Variants in ZC3H7A observed in about 807,000 individuals in gnomAD.
ZC3H7A encodes zinc finger CCCH domain-containing protein 7A.
A neutral mutation model predicts 125.5 loss-of-function variants in ZC3H7A; 44 were observed. That is an observed-to-expected ratio of 0.35 (90% confidence interval 0.28 to 0.45). The LOEUF is 0.45. Among genes scored for constraint, ZC3H7A ranks in the 20% least tolerant of loss-of-function variants. The probability of loss-of-function intolerance (pLI) is 1.00; values close to 1 mark genes in which losing one functional copy is unlikely to be tolerated. For synonymous variants in ZC3H7A, 399 were observed against 391.2 expected (o/e 1.02, Z -0.23); for missense variants, 977 against 1,170.7 (o/e 0.83, Z 2.41).
At chr16:11,789,738 C>T (rs1342409491) in intron 1 of ZC3H7A, among the ~76,000 whole-genome samples, 1 of 152,076 alleles carries the variant, frequency 6.6e-6, no homozygotes, top group African/African-American at 2.4e-5. Flanking sequence ...TTAAAGGTCA[C>T]CATGTACACA....
chr16:11,782,042 T>A (rs2053181536), intron 2 of ZC3H7A, among the ~76,000 whole-genome samples: 2 of 152,182 alleles, frequency 1.3e-5, no homozygotes, highest in Admixed American at 1.3e-4. Context: ...TTCAAATTTC[T>A]CAGTCTAACG....
At chr16:11,783,578 A>G (rs1239365014) in intron 1 of ZC3H7A, among the ~76,000 whole-genome samples, 1 of 152,144 alleles carries the variant, frequency 6.6e-6, no homozygotes, top group Non-Finnish European at 1.5e-5. Context: ...GTGTCTCCAG[A>G]TATCGTTAAA....
At position 11,776,750 on chromosome 16, in the gene ZC3H7A, C is replaced by A; in HGVS notation, c.465+1G>T. The A allele has an allele frequency of 6.3e-7, 1 of 1,599,552 alleles. No individual in the cohort carries two copies. The highest frequency in any genetic ancestry group is 1.3e-5 in the African/African-American group (1 of 74,098). On this transcript the variant is annotated splice_donor_variant, in intron 5 of 22. Coordinates refer to ENST00000355758, the MANE Select transcript of ZC3H7A (RefSeq NM_014153.4). LOFTEE classifies it high-confidence loss of function. ...AAACAAATAAACTATAAATTCCATA[C>A]CTGAGGCACTGCTAAGGAGCACTTT...
rs1427030393 is a variant in ZC3H7A at position 11,761,439 on chromosome 16, G to C, written c.2286C>G (p.Leu762=). 5 of 1,614,086 alleles carry C rather than the reference G, an allele frequency of 3.1e-6. No individual in the cohort carries two copies. The Admixed American group carries it at 6.7e-5, about 22-fold the overall frequency. ...GTAAAGGCATTTGTTTCTTTGTGGG[G>C]AGAGGACGGATGTTCATCCACTTCT... ...ERKKWMNIRP[L]PTKKQMPLQF... is the part of the protein sequence containing the mutation. Residue 762 remains leucine (L), a synonymous_variant, in exon 19 of 23, where the codon CTC becomes CTG. Transcript: ENST00000355758.
chr16:11,777,361 G>C (rs1009751476), intron 4 of ZC3H7A, among the ~76,000 whole-genome samples: 2 of 152,170 alleles, frequency 1.3e-5, no homozygotes, highest in African/African-American at 4.8e-5. Flanking sequence ...CAAAGAGCTA[G>C]GTGACAACAC....
chr16:11,761,436 G>T lies in ZC3H7A; in HGVS notation c.2289C>A (p.Pro763=). 1 of 1,614,014 alleles carries T rather than the reference G, an allele frequency of 6.2e-7. No homozygotes were observed. Among genetic ancestry groups the T allele is most frequent in the South Asian group, 1.1e-5 (1 of 91,066 alleles). ...ACTGTAAAGGCATTTGTTTCTTTGT[G>T]GGGAGAGGACGGATGTTCATCCACT... is the stretch of plus-strand genomic sequence containing the variant. ...RKKWMNIRPL[P]TKKQMPLQFD... Residue 763 remains proline, a synonymous_variant, in exon 19 of 23, where the codon CCC becomes CCA. Transcript: ENST00000355758.
intron 7 of ZC3H7A, 136 bp downstream of exon 7, chr16:11,776,184 A>G: frequency 1.3e-6 from 1 of 780,642 alleles, no homozygotes; most frequent in Non-Finnish European, 2.0e-6. Context: ...AAGTGACAGG[A>G]GGGTATTGCC....
chr16:11,766,545 G>A (rs1384589160), intron 13 of ZC3H7A, among the ~76,000 whole-genome samples: 1 of 152,214 alleles, frequency 6.6e-6, no homozygotes, highest in Non-Finnish European at 1.5e-5. Context: ...CAGCCTGGGA[G>A]ACAGAGCGAG....
chr16:11,778,833 C>T (rs1250143536), intron 4 of ZC3H7A, among the ~76,000 whole-genome samples: 1 of 152,080 alleles, frequency 6.6e-6, no homozygotes, highest in Non-Finnish European at 1.5e-5. Context: ...CCTGCCTCAG[C>T]CTCCCGGGCA....
intron 1 of ZC3H7A, among the ~76,000 whole-genome samples, chr16:11,784,185 G>C (rs1278745179): frequency 6.6e-6 from 1 of 152,126 alleles, no homozygotes; most frequent in Non-Finnish European, 1.5e-5. Flanking sequence ...TAGCCAAAAG[G>C]GGGGTAGCTG....
At chr16:11,753,936 C>G (rs951421257) in intron 21 of ZC3H7A, 1 of 152,520 alleles carries the variant, frequency 6.6e-6, no homozygotes, top group African/African-American at 2.4e-5. Flanking sequence ...AGGCATGAAC[C>G]ACCATGCCCG....
At chr16:11,769,185 C>G in intron 10 of ZC3H7A, 90 bp from the exon 11 acceptor site, 1 of 1,080,462 alleles carries the variant, frequency 9.3e-7, no homozygotes, top group East Asian at 2.7e-5. Flanking sequence ...CTATGGCCTC[C>G]CACGCTATTC....
chr16:11,781,977 G>A (rs757829407), intron 2 of ZC3H7A, among the ~76,000 whole-genome samples: 3 of 152,042 alleles, frequency 2.0e-5, no homozygotes, highest in African/African-American at 4.8e-5. Flanking sequence ...CCTCTGTGCC[G>A]CCAGATGTTC....
chr16:11,763,491 C>T lies in ZC3H7A; in HGVS notation c.1989G>A (p.Met663Ile). ...HSLVELKVWI[M>I]QNETGISHDA... ...ACTCAAACCTACCTGTTTCATTTTG[C>T]ATTATCCAGACTTTCAGTTCCACAA... The change falls in exon 16 of 23, where the codon ATG becomes ATA. Residue 663 changes from methionine (M) to isoleucine (I), a missense_variant. Coordinates refer to ENST00000355758, the MANE Select transcript of ZC3H7A (RefSeq NM_014153.4). 1.9e-6 allele frequency: 3 copies of T among 1,602,098 alleles called. No individual in the cohort carries two copies. The highest frequency in any genetic ancestry group is 1.3e-5 in the African/African-American group (1 of 74,524).
chr16:11,764,343 G>T (rs2052816227), intron 15 of ZC3H7A, among the ~76,000 whole-genome samples: 1 of 152,156 alleles, frequency 6.6e-6, no homozygotes, highest in Non-Finnish European at 1.5e-5. Context: ...GAGGTCAGGA[G>T]TTCAAGACCA....
At chr16:11,764,946 A>G in intron 15 of ZC3H7A, 107 bp downstream of exon 15, 4 of 718,686 alleles carry the variant, frequency 5.6e-6, no homozygotes, top group East Asian at 3.1e-5. Context: ...AAATAACAAC[A>G]TAACGATGAA....
intron 21 of ZC3H7A, 38 bp downstream of exon 21, chr16:11,756,199 G>T: frequency 6.3e-7 from 1 of 1,582,336 alleles, no homozygotes; most frequent in Non-Finnish European, 8.6e-7. Context: ...TCCATCAATG[G>T]CTCGGCAAAG....
chr16:11,771,953 G>A (rs2052990555), intron 9 of ZC3H7A, among the ~76,000 whole-genome samples: 3 of 152,056 alleles, frequency 2.0e-5, no homozygotes, highest in Non-Finnish European at 4.4e-5. Context: ...CTAGCACTGT[G>A]GGAGGATGAG....
At chr16:11,768,722 TATAAGTA>T (rs1472088105) in intron 11 of ZC3H7A, among the ~76,000 whole-genome samples, 3 of 152,218 alleles carry the variant, frequency 2.0e-5, no homozygotes, top group Non-Finnish European at 2.9e-5. Context: ...TCCTCCATAT[TATAAGTA>T]ATAAGTTCTA....
Sources: allele counts gnomAD v4.1 joint callset (sites outside exome capture counted in the v4.1 genomes callset), GRCh38; gene constraint gnomAD v4.1.1; transcripts MANE v1.5; gene names NCBI Gene and HGNC (gene_info 2026-07-23, HGNC 2026-07-21).